CEP76: variants seen among roughly 807,000 people sequenced by gnomAD.
The protein encoded by CEP76 is centrosomal protein of 76 kDa.
A neutral mutation model predicts 83.3 loss-of-function variants in CEP76; 55 were observed. The observed-to-expected ratio is 0.66, with a 90% CI of 0.53 to 0.83. CEP76 has a LOEUF of 0.83. Ranked by LOEUF, CEP76 falls within the 40% of genes least tolerant of loss-of-function variation. The pLI is 0.00. For missense variants in CEP76, 694 were observed against 799.5 expected, an observed-to-expected ratio of 0.87 and a Z score of 1.59; for synonymous variants, 270 against 274.5, an observed-to-expected ratio of 0.98 and a Z score of 0.16.
rs879468309 is a variant in CEP76, at chr18:12,698,173, TGTAA to T, written c.521-769_521-766del. ...ACTTTTTATTTTATTTATATTTATTTGTAAGTATTTATAAAAATTTATTAGAAGT... is the reference window on the plus strand; with the variant it reads ...ACTTTTTATTTTATTTATATTTATTTGTATTTATAAAAATTTATTAGAAGT... On this transcript the variant is annotated intron_variant, in intron 4 of 11. Transcript: ENST00000262127. Among the ~76,000 whole-genome samples the T allele has an allele frequency of 1.7e-3, 251 of 151,722 alleles. 6 individuals are homozygous for T. The highest frequency in any genetic ancestry group is 0.012 in the Admixed American group (189 of 15,264).
At chr18:12,700,821 A>G in intron 2 of CEP76, 137 bp downstream of exon 2, 1 of 608,956 alleles carries the variant, frequency 1.6e-6, no homozygotes, top group Non-Finnish European at 2.8e-6. Flanking sequence ...TATACTTGAA[A>G]CAAGGACACT....
intron 12 of CEP76, among the ~76,000 whole-genome samples, chr18:12,664,875 T>C: frequency 6.8e-6 from 1 of 147,168 alleles, no homozygotes; most frequent in African/African-American, 2.6e-5. Flanking sequence ...ACTTTTGTAT[T>C]TTTAGTAGAG....
At position 12,664,106 on chromosome 18, in the gene CEP76, G is replaced by A. The variant is rs573465643; in HGVS notation, c.*1728-1937C>T. 1.1e-3 allele frequency among the ~76,000 whole-genome samples: 172 copies of A among 152,190 alleles called. 1 individual carries two copies. Among genetic ancestry groups the A allele is most frequent in the East Asian group, 7.0e-3 (36 of 5,176 alleles). ...TTGAACCCGGAGGGGCGGTGGTTGC[G>A]GTGAGCCGAGATCGTGCCATTGCAC... On this transcript the variant is annotated intron_variant and NMD_transcript_variant, in intron 12 of 12. Coordinates refer to the CEP76 transcript ENST00000590143.
chr18:12,685,188 C>T (rs531855187), intron 8 of CEP76: 12 of 151,788 alleles, frequency 7.9e-5, no homozygotes, highest in South Asian at 2.1e-4. Context: ...TTAGTGGAGA[C>T]GGAGTTTCTC....
At position 12,702,710 on chromosome 18, in the gene CEP76, G is replaced by C. The variant is rs1381436449; in HGVS notation, c.-162C>G. On this transcript the variant is annotated 5_prime_UTR_variant, in exon 1 of 12. Transcript: ENST00000262127. ...GACGCAACGCCGCGTCAGGCCGGGGGCTGACCTGGAAATGAGGCCCCGGCG... is the reference window on the plus strand; with the variant it reads ...GACGCAACGCCGCGTCAGGCCGGGGCCTGACCTGGAAATGAGGCCCCGGCG... The C allele has an allele frequency of 1.3e-6, 1 of 742,194 alleles. No homozygotes were observed. Among genetic ancestry groups the C allele is most frequent in the African/African-American group, 1.9e-5 (1 of 53,726 alleles). 46.0% of individuals were successfully genotyped at this position (742,194 alleles called of 1,614,324 possible).
At chr18:12,690,645 C>T (rs1464221644) in intron 7 of CEP76, among the ~76,000 whole-genome samples, 2 of 152,026 alleles carry the variant, frequency 1.3e-5, no homozygotes, top group African/African-American at 2.4e-5. Flanking sequence ...TTAGTAGAAA[C>T]GGGGTTTCAC....
At position 12,702,656 on chromosome 18, in the gene CEP76, C is replaced by G; in HGVS notation, c.-108G>C. Reference sequence around the variant, plus strand: ...GGAGCGACTGGAGCACAAAGCGCCGCAGCCGTTCGCCTAGCGCAGCTCCCG... The same window carrying G: ...GGAGCGACTGGAGCACAAAGCGCCGGAGCCGTTCGCCTAGCGCAGCTCCCG... On this transcript the variant is annotated 5_prime_UTR_variant, in exon 1 of 12. Transcript: ENST00000262127. 1 of 1,295,918 alleles carries G rather than the reference C, an allele frequency of 7.7e-7. No individual in the cohort carries two copies. Among genetic ancestry groups the G allele is most frequent in the Non-Finnish European group, 1.0e-6 (1 of 956,762 alleles). 80.3% of individuals were successfully genotyped at this position (1,295,918 alleles called of 1,614,324 possible).
chr18:12,689,851 G>A (rs969278548), intron 7 of CEP76, among the ~76,000 whole-genome samples: 2 of 152,170 alleles, frequency 1.3e-5, no homozygotes, highest in Non-Finnish European at 2.9e-5. Flanking sequence ...GTGCAATGGC[G>A]TGATCTTCGC....
chr18:12,698,180 A>G (rs1356817901), intron 4 of CEP76, among the ~76,000 whole-genome samples: 1 of 151,598 alleles, frequency 6.6e-6, no homozygotes, highest in Non-Finnish European at 1.5e-5. Context: ...ATTTGTAAGT[A>G]TTTATAAAAA....
At chr18:12,702,734 C>A (rs953956709), upstream of CEP76, 3 of 630,394 alleles carry the variant, frequency 4.8e-6, no homozygotes, top group African/African-American at 1.9e-5. Flanking sequence ...GAGGCCCCGG[C>A]GGCGGCGGCG....
intron 7 of CEP76, among the ~76,000 whole-genome samples, chr18:12,689,019 C>T (rs2039650906): frequency 6.6e-6 from 1 of 152,130 alleles, no homozygotes; most frequent in Non-Finnish European, 1.5e-5. Context: ...GAGGCTGAGG[C>T]AGGAGAATCA....
At chr18:12,687,189 C>T (rs1348947269) in intron 7 of CEP76, among the ~76,000 whole-genome samples, 1 of 152,098 alleles carries the variant, frequency 6.6e-6, no homozygotes, top group Non-Finnish European at 1.5e-5. Flanking sequence ...TTGGAGATGA[C>T]CTACCCTCCC....
intron 8 of CEP76, among the ~76,000 whole-genome samples, chr18:12,681,448 C>T (rs1317041915): frequency 6.6e-6 from 1 of 151,838 alleles, no homozygotes; most frequent in East Asian, 1.9e-4. Flanking sequence ...AGGGGTCTTA[C>T]TGTGTTACCC....
intron 8 of CEP76, among the ~76,000 whole-genome samples, chr18:12,681,214 T>A (rs1404504335): frequency 5.6e-5 from 8 of 144,126 alleles, no homozygotes; most frequent in Non-Finnish European, 9.2e-5. Context: ...AAAAAAAAAA[T>A]GTTTATAAAG....
chr18:12,676,279 CTTT>C (rs1157897766), intron 10 of CEP76, among the ~76,000 whole-genome samples: 6 of 106,408 alleles, frequency 5.6e-5, no homozygotes, highest in Admixed American at 1.1e-4. Context: ...ACAGTAATTC[CTTT>C]TTTTTTTTTT....
intron 8 of CEP76, among the ~76,000 whole-genome samples, chr18:12,683,793 T>G (rs1238092260): frequency 2.6e-5 from 4 of 151,210 alleles, no homozygotes; most frequent in African/African-American, 9.7e-5. Context: ...TAGCAACACA[T>G]AGAAAAATGT....
chr18:12,669,527 TA>T (rs1370458593), downstream of CEP76, among the ~76,000 whole-genome samples: 1 of 152,168 alleles, frequency 6.6e-6, no homozygotes, highest in Admixed American at 6.6e-5. Flanking sequence ...TGGTTTCTGA[TA>T]TTTTTCTATT....
intron 12 of CEP76, among the ~76,000 whole-genome samples, chr18:12,667,390 A>C (rs2038824094): frequency 6.6e-6 from 1 of 151,558 alleles, no homozygotes; most frequent in African/African-American, 2.4e-5. Context: ...CCAGGTGTTC[A>C]AGGCTGCAGT....
rs1289057709 is a variant in CEP76, at chr18:12,678,306, C to G, written c.1426G>C (p.Glu476Gln). The G allele has an allele frequency of 6.2e-7, 1 of 1,614,026 alleles. No homozygotes were observed. The highest frequency in any genetic ancestry group is 1.3e-5 in the African/African-American group (1 of 74,906). Residue 476 changes from glutamate (E) to glutamine (Q), a missense_variant, in exon 10 of 12, where the codon GAA (glutamate) becomes CAA (glutamine). By Grantham distance (29) the Glu-to-Gln change is conservative. Coordinates refer to ENST00000262127, the MANE Select transcript of CEP76 (RefSeq NM_024899.4). ...TCGTTCAAATCAAATACACAGGTTT[C>G]TACTGCATCAGAGGGTTGACAATTT... ...LGNCQPSDAV[E>Q]TCVFDLNDES...
Sources: allele counts gnomAD v4.1 joint callset (sites outside exome capture counted in the v4.1 genomes callset), GRCh38; gene constraint gnomAD v4.1.1; transcripts MANE v1.5; gene names NCBI Gene and HGNC (gene_info 2026-07-23, HGNC 2026-07-21).